The following DLGAP1 variants were observed in gnomAD, a reference collection of about 807,000 sequenced individuals.
The protein encoded by DLGAP1 is DLG associated protein 1.
A neutral mutation model predicts 90.8 loss-of-function variants in DLGAP1; 11 were observed. The ratio of observed to expected loss-of-function variants is 0.12; its 90% CI spans 0.08 to 0.20. The LOEUF is 0.20. Among genes scored for constraint, DLGAP1 ranks in the 10% least tolerant of loss-of-function variants. DLGAP1 has a pLI of 1.00. For synonymous variants in DLGAP1, 558 were observed against 540.7 expected (o/e 1.03, Z -0.44); for missense variants, 1,050 against 1,333.8 (o/e 0.79, Z 3.31).
chr18:3,600,121 C>T (rs2056814360), intron 7 of DLGAP1, among the ~76,000 whole-genome samples: 1 of 152,190 alleles, frequency 6.6e-6, no homozygotes. Context: ...CAGGGTCTCA[C>T]TATGTTGCCC....
At chr18:3,790,426 A>G (rs8090280) in intron 5 of DLGAP1, among the ~76,000 whole-genome samples, 23,458 of 151,736 alleles carry the variant, frequency 0.15, 2,248 homozygotes, top group East Asian at 0.41. Context: ...CATCACCATG[A>G]CCGGCTAATT....
Position 4,078,352 on chromosome 18 carries a change from C to T in DLGAP1, c.-159+72828G>A, listed in dbSNP as rs190937752. Among the ~76,000 whole-genome samples, 240 of 152,258 alleles carry T rather than the reference C, an allele frequency of 1.6e-3. 4 individuals are homozygous for T. In the South Asian group the frequency reaches 0.029, roughly 19 times the overall value. On this transcript the variant is annotated intron_variant, in intron 2 of 12. Coordinates refer to ENST00000315677, the MANE Select transcript of DLGAP1 (RefSeq NM_004746.4). Reference sequence around the variant, plus strand: ...CATTTTCAAGCTTTTGGAAGTTACACACATTTATATTTAAATAGAAATCAC... The same window carrying T: ...CATTTTCAAGCTTTTGGAAGTTACATACATTTATATTTAAATAGAAATCAC...
At chr18:4,411,037 T>A (rs2082766328) in intron 1 of DLGAP1, among the ~76,000 whole-genome samples, 1 of 152,182 alleles carries the variant, frequency 6.6e-6, no homozygotes, top group Non-Finnish European at 1.5e-5. Context: ...CAGTCCTTAC[T>A]CCAGAGCACC....
intron 4 of DLGAP1, among the ~76,000 whole-genome samples, chr18:3,872,225 C>CAAAAAAAAAAA (rs5822772): frequency 1.1e-5 from 1 of 87,104 alleles, no homozygotes; most frequent in African/African-American, 4.1e-5. Flanking sequence ...CTCTCCAAGA[C>CAAAAAAAAAAA]AAAAAAAAAA....
intron 1 of DLGAP1, among the ~76,000 whole-genome samples, chr18:4,208,813 GGA>G (rs373346106): frequency 2.6e-5 from 4 of 151,618 alleles, no homozygotes; most frequent in East Asian, 1.9e-4. Context: ...TTGGGGGGGT[GGA>G]GAGAGAGAGA....
intron 7 of DLGAP1, among the ~76,000 whole-genome samples, chr18:3,617,100 T>C (rs2145972109): frequency 1.3e-5 from 2 of 152,254 alleles, no homozygotes; most frequent in South Asian, 4.1e-4. Flanking sequence ...GAGCCAGAAC[T>C]ACCCCGCCAA....
At chr18:4,225,979 A>C (rs1405067655) in intron 1 of DLGAP1, among the ~76,000 whole-genome samples, 1 of 152,176 alleles carries the variant, frequency 6.6e-6, no homozygotes, top group Non-Finnish European at 1.5e-5. Context: ...TAACCTAAAG[A>C]CTACAAAATA....
At chr18:4,247,574 G>A (rs2078679704) in intron 1 of DLGAP1, among the ~76,000 whole-genome samples, 1 of 152,100 alleles carries the variant, frequency 6.6e-6, no homozygotes, top group South Asian at 2.1e-4. Context: ...TCAGGAGTTT[G>A]AGACCAGTCT....
chr18:3,781,351 A>ATTT (rs34073983), intron 5 of DLGAP1, among the ~76,000 whole-genome samples: 3 of 140,262 alleles, frequency 2.1e-5, no homozygotes, highest in African/African-American at 5.3e-5. Context: ...GCAGCTTTCA[A>ATTT]TTTTTTTTTT....
At chr18:3,722,373 T>C (rs1345379739) in intron 7 of DLGAP1, 3 of 152,240 alleles carry the variant, frequency 2.0e-5, no homozygotes, top group Non-Finnish European at 2.9e-5. Context: ...AGAGGAATCC[T>C]ACCTCGAGTG....
chr18:4,438,488 T>A (rs1405421388), intron 1 of DLGAP1, among the ~76,000 whole-genome samples: 4 of 142,626 alleles, frequency 2.8e-5, no homozygotes, highest in Admixed American at 7.1e-5. Flanking sequence ...ATTTTTCAAC[T>A]GAAAGCAACT....
chr18:4,090,627 C>T (rs542723758), intron 2 of DLGAP1, among the ~76,000 whole-genome samples: 7 of 152,284 alleles, frequency 4.6e-5, no homozygotes, highest in East Asian at 3.9e-4. Flanking sequence ...GAAATAGGAA[C>T]GCTTTTACAC....
At chr18:4,277,992 T>G (rs929147565) in intron 1 of DLGAP1, among the ~76,000 whole-genome samples, 3 of 106,566 alleles carry the variant, frequency 2.8e-5, no homozygotes, top group South Asian at 4.8e-4. Flanking sequence ...GAGATTGCAT[T>G]TTTTTTTTTC....
intron 1 of DLGAP1, among the ~76,000 whole-genome samples, chr18:4,228,375 G>A (rs1011900846): frequency 2.6e-5 from 4 of 151,822 alleles, no homozygotes; most frequent in East Asian, 1.9e-4. Flanking sequence ...AAAACAAGAC[G>A]AAGACACATC....
rs75589745 is a variant in DLGAP1 at position 3,793,798 on chromosome 18, C to G, written c.1172+20261G>C. Among the ~76,000 whole-genome samples, 1,104 of 152,328 alleles carry G rather than the reference C, an allele frequency of 7.2e-3. 5 individuals carry two copies. Among genetic ancestry groups the G allele is most frequent in the South Asian group, 0.016 (79 of 4,820 alleles). Reference sequence around the variant, plus strand: ...AGCTGCATGCCCCACTCTGCGACCCCCTGACACTATCCCCTTGTGAGTGTG... The same window carrying G: ...AGCTGCATGCCCCACTCTGCGACCCGCTGACACTATCCCCTTGTGAGTGTG... On this transcript the variant is annotated intron_variant, in intron 5 of 12. Transcript: ENST00000315677.
At chr18:4,173,638 C>A (rs1174998633) in intron 1 of DLGAP1, among the ~76,000 whole-genome samples, 1 of 152,120 alleles carries the variant, frequency 6.6e-6, no homozygotes, top group East Asian at 1.9e-4. Flanking sequence ...CATGACACTG[C>A]AGCCTAGCCC....
chr18:4,095,622 C>T (rs1013422771), intron 2 of DLGAP1, among the ~76,000 whole-genome samples: 1 of 151,830 alleles, frequency 6.6e-6, no homozygotes, highest in Non-Finnish European at 1.5e-5. Context: ...TGCCCCAAGT[C>T]AGGGCCAGAA....
chr18:3,627,350 T>A (rs910171756), intron 7 of DLGAP1, among the ~76,000 whole-genome samples: 2 of 150,558 alleles, frequency 1.3e-5, no homozygotes, highest in African/African-American at 4.9e-5. Flanking sequence ...GGGAAGGCAC[T>A]GACCGAGTCC....
chr18:3,794,980 T>C (rs952301909), intron 5 of DLGAP1, among the ~76,000 whole-genome samples: 4 of 152,236 alleles, frequency 2.6e-5, no homozygotes, highest in Non-Finnish European at 5.9e-5. Context: ...TCCTGAAGAA[T>C]ATGGAATATC....
Sources: gnomAD v4.1 joint callset for allele counts (sites outside exome capture counted in the v4.1 genomes callset) on GRCh38, gnomAD v4.1.1 for gene constraint, MANE v1.5 for transcripts, NCBI Gene and HGNC (gene_info 2026-07-23, HGNC 2026-07-21) for gene names.